SPATA17: variants seen among roughly 807,000 people sequenced by gnomAD.
The protein encoded by SPATA17 is spermatogenesis associated 17.
In SPATA17, 53 loss-of-function variants were observed where a neutral mutation model predicts 62.2. That is an observed-to-expected ratio of 0.85 (90% CI 0.68 to 1.07). The LOEUF (loss-of-function observed/expected upper bound fraction) is 1.07. SPATA17 is among the 50% of genes least tolerant of loss of function. The probability of loss-of-function intolerance (pLI) is 0.00; values close to 1 mark genes in which losing one functional copy is unlikely to be tolerated. For missense variants in SPATA17, 466 were observed against 425.5 expected (o/e 1.10, Z -0.84); for synonymous variants, 146 against 146.8 (o/e 0.99, Z 0.04).
chr1:217,742,132 C>A (rs753332857), intron 6 of SPATA17, 34 bp downstream of exon 6: 2 of 1,611,008 alleles, frequency 1.2e-6, no homozygotes, highest in Admixed American at 3.4e-5. Context: ...CTCCTGTAAG[C>A]CACTTGGGCC....
chr1:217,633,643 G>C (rs1669871326), intron 1 of SPATA17, among the ~76,000 whole-genome samples: 1 of 152,158 alleles, frequency 6.6e-6, no homozygotes, highest in Non-Finnish European at 1.5e-5. Context: ...ATTGCAACAA[G>C]CACCAAGATC....
At chr1:217,822,635 T>A (rs1227278203) in intron 9 of SPATA17, among the ~76,000 whole-genome samples, 1 of 129,872 alleles carries the variant, frequency 7.7e-6, no homozygotes, top group Non-Finnish European at 1.6e-5. Context: ...GATGTATATC[T>A]ATATATATAT....
intron 5 of SPATA17, among the ~76,000 whole-genome samples, chr1:217,737,002 A>G (rs1432617563): frequency 1.3e-5 from 2 of 152,174 alleles, no homozygotes; most frequent in African/African-American, 4.8e-5. Flanking sequence ...TGGAAAACTA[A>G]TATATGTAAT....
intron 9 of SPATA17, among the ~76,000 whole-genome samples, chr1:217,852,431 T>G (rs1675687943): frequency 6.6e-6 from 1 of 152,184 alleles, no homozygotes; most frequent in Non-Finnish European, 1.5e-5. Context: ...GCTGGATTAT[T>G]ATATACTTCT....
At chr1:217,840,638 G>C (rs1404598559) in intron 9 of SPATA17, among the ~76,000 whole-genome samples, 1 of 151,900 alleles carries the variant, frequency 6.6e-6, no homozygotes, top group Non-Finnish European at 1.5e-5. Context: ...AGGGCAGATC[G>C]ATTGAGCCCA....
chr1:217,840,155 A>G (rs1675358389), intron 9 of SPATA17, among the ~76,000 whole-genome samples: 1 of 152,180 alleles, frequency 6.6e-6, no homozygotes, highest in Non-Finnish European at 1.5e-5. Context: ...ACAGCTAGAT[A>G]AAACAAAGGT....
At chr1:217,668,150 G>T (rs911388175) in intron 3 of SPATA17, among the ~76,000 whole-genome samples, 1 of 152,146 alleles carries the variant, frequency 6.6e-6, no homozygotes, top group Non-Finnish European at 1.5e-5. Flanking sequence ...ATAAATTTTG[G>T]TTGAATAAAA....
chr1:217,738,445 T>A (rs1255517790), intron 5 of SPATA17, among the ~76,000 whole-genome samples: 1 of 152,246 alleles, frequency 6.6e-6, no homozygotes, highest in Non-Finnish European at 1.5e-5. Context: ...AAATGTTCAA[T>A]AAATAGCTAA....
chr1:217,631,936 A>G (rs1173364600), intron 1 of SPATA17, among the ~76,000 whole-genome samples: 1 of 152,084 alleles, frequency 6.6e-6, no homozygotes, highest in African/African-American at 2.4e-5. Flanking sequence ...TAATCCCAGC[A>G]CTTTGGGAGG....
chr1:217,653,808 G>A (rs1670373047), intron 3 of SPATA17, among the ~76,000 whole-genome samples: 1 of 151,780 alleles, frequency 6.6e-6, no homozygotes, highest in Non-Finnish European at 1.5e-5. Context: ...CCTTTTATCT[G>A]GTATACATAC....
chr1:217,705,721 G>A (rs1465918353), intron 5 of SPATA17, among the ~76,000 whole-genome samples: 2 of 152,132 alleles, frequency 1.3e-5, no homozygotes, highest in African/African-American at 4.8e-5. Context: ...TTATAGGCGT[G>A]AGCCACCGTG....
chr1:217,660,927 A>T (rs1353187783), intron 3 of SPATA17, among the ~76,000 whole-genome samples: 1 of 152,218 alleles, frequency 6.6e-6, no homozygotes, highest in Non-Finnish European at 1.5e-5. Flanking sequence ...GCTTACAAAA[A>T]GATGTTTGGA....
At chr1:217,659,624 G>A (rs1160963860) in intron 3 of SPATA17, among the ~76,000 whole-genome samples, 2 of 152,016 alleles carry the variant, frequency 1.3e-5, no homozygotes, top group Admixed American at 1.3e-4. Flanking sequence ...CTCAGCTCCT[G>A]ATCCATATAT....
At chr1:217,803,218 A>T (rs1192826645) in intron 9 of SPATA17, among the ~76,000 whole-genome samples, 1 of 152,070 alleles carries the variant, frequency 6.6e-6, no homozygotes, top group Non-Finnish European at 1.5e-5. Context: ...AGCCTCAAGG[A>T]TGCCCAGTCC....
intron 6 of SPATA17, among the ~76,000 whole-genome samples, chr1:217,757,673 T>C (rs547260767): frequency 7.2e-5 from 11 of 152,222 alleles, no homozygotes; most frequent in African/African-American, 2.4e-4. Context: ...AGTTTTAGAA[T>C]GGTAGAAGCT....
chr1:217,793,428 G>A (rs1674054356), intron 8 of SPATA17, among the ~76,000 whole-genome samples: 1 of 151,990 alleles, frequency 6.6e-6, no homozygotes, highest in Non-Finnish European at 1.5e-5. Flanking sequence ...CACCGTGTTA[G>A]CCAGGATGGT....
intron 3 of SPATA17, among the ~76,000 whole-genome samples, chr1:217,651,551 G>A (rs1292451543): frequency 1.3e-5 from 2 of 152,124 alleles, no homozygotes; most frequent in East Asian, 1.9e-4. Flanking sequence ...GCCTTGCCCA[G>A]AACACAGTCA....
intron 5 of SPATA17, among the ~76,000 whole-genome samples, chr1:217,715,779 T>G (rs1671988654): frequency 6.6e-6 from 1 of 152,200 alleles, no homozygotes; most frequent in Non-Finnish European, 1.5e-5. Flanking sequence ...TTCGTTCTCT[T>G]TGTTGTATTT....
intron 9 of SPATA17, among the ~76,000 whole-genome samples, chr1:217,860,269 G>T (rs1399406996): frequency 6.6e-6 from 1 of 152,136 alleles, no homozygotes; most frequent in Non-Finnish European, 1.5e-5. Flanking sequence ...AGCAGACGTT[G>T]TATGATTTCT....
Sources: gnomAD v4.1 joint callset for allele counts (sites outside exome capture counted in the v4.1 genomes callset) on GRCh38, gnomAD v4.1.1 for gene constraint, MANE v1.5 for transcripts, NCBI Gene and HGNC (gene_info 2026-07-23, HGNC 2026-07-21) for gene names.